Variants in CNTNAP5 observed in about 807,000 individuals in gnomAD.
CNTNAP5 encodes the protein contactin-associated protein-like 5.
A neutral mutation model predicts 150.2 loss-of-function variants in CNTNAP5; 72 were observed. The observed-to-expected ratio is 0.48, with a 90% confidence interval of 0.40 to 0.58. The LOEUF (loss-of-function observed/expected upper bound fraction) is 0.58, where lower values mean the gene tolerates loss of function less well. Ranked by LOEUF, CNTNAP5 falls within the 20% of genes least tolerant of loss-of-function variation. The pLI is 0.00. For missense variants in CNTNAP5, 1,636 were observed against 1,626.2 expected, an observed-to-expected ratio of 1.01 and a Z score of -0.10; for synonymous variants, 672 against 619.8, an observed-to-expected ratio of 1.08 and a Z score of -1.25.
chr2:124,758,688 A>G (rs1248344428), intron 14 of CNTNAP5, among the ~76,000 whole-genome samples: 1 of 152,078 alleles, frequency 6.6e-6, no homozygotes, highest in East Asian at 1.9e-4. Context: ...TGAAGAGAAA[A>G]GAAGGGAAGT....
chr2:124,828,973 C>A (rs1682657928), intron 19 of CNTNAP5, among the ~76,000 whole-genome samples: 1 of 151,834 alleles, frequency 6.6e-6, no homozygotes. Context: ...TGACATCAAA[C>A]CAGAATCACA....
chr2:124,552,794 T>C (rs1256423100), intron 10 of CNTNAP5, among the ~76,000 whole-genome samples: 1 of 152,182 alleles, frequency 6.6e-6, no homozygotes, highest in Non-Finnish European at 1.5e-5. Context: ...ATGGTACTTA[T>C]ATTCCCACCG....
At chr2:124,808,035 T>C (rs1379016125) in intron 19 of CNTNAP5, among the ~76,000 whole-genome samples, 1 of 152,120 alleles carries the variant, frequency 6.6e-6, no homozygotes, top group African/African-American at 2.4e-5. Context: ...TTGGTGTCAG[T>C]TTCTGTAATG....
intron 1 of CNTNAP5, among the ~76,000 whole-genome samples, chr2:124,154,038 C>T (rs1226091669): frequency 6.6e-6 from 1 of 152,052 alleles, no homozygotes; most frequent in South Asian, 2.1e-4. Flanking sequence ...TGGCTTTCAA[C>T]ATATGAATTT....
rs115614504 is a variant in CNTNAP5, at chr2:124,524,094, G to A, written c.1328-209G>A. On this transcript the variant is annotated intron_variant, in intron 8 of 23. Coordinates refer to ENST00000682447, the MANE Select transcript of CNTNAP5 (RefSeq NM_001367498.1). ...AAAACATATCAGAAGTAGTTCAGCC[G>A]TCTTTTTTAAAAAAGAGATTAGAAT... Among the ~76,000 whole-genome samples the A allele has an allele frequency of 7.7e-3, 1,170 of 152,014 alleles. 20 individuals carry two copies. The highest frequency in any genetic ancestry group is 0.026 in the African/African-American group (1,083 of 41,470).
intron 13 of CNTNAP5, among the ~76,000 whole-genome samples, chr2:124,702,258 C>T (rs766833777): frequency 6.8e-6 from 1 of 146,338 alleles, no homozygotes; most frequent in Non-Finnish European, 1.5e-5. Context: ...AATTTGTTGT[C>T]ATCCGATTTA....
chr2:124,451,041 A>G (rs1244038291), intron 6 of CNTNAP5, among the ~76,000 whole-genome samples: 1 of 72,788 alleles, frequency 1.4e-5, no homozygotes, highest in Non-Finnish European at 2.7e-5. Flanking sequence ...AAAAAAAAAA[A>G]AAAAAAAAAA....
chr2:124,780,017 T>A (rs1573611960), intron 17 of CNTNAP5, among the ~76,000 whole-genome samples: 1 of 152,128 alleles, frequency 6.6e-6, no homozygotes, highest in African/African-American at 2.4e-5. Context: ...AAAAATCTAA[T>A]GGATTAATGA....
intron 3 of CNTNAP5, among the ~76,000 whole-genome samples, chr2:124,351,862 C>T (rs1196510286): frequency 6.6e-6 from 1 of 152,070 alleles, no homozygotes; most frequent in African/African-American, 2.4e-5. Flanking sequence ...ATTACTGAAG[C>T]AAAAATGCTG....
At chr2:124,413,969 G>C (rs563589173) in intron 3 of CNTNAP5, among the ~76,000 whole-genome samples, 11 of 152,094 alleles carry the variant, frequency 7.2e-5, no homozygotes, top group Admixed American at 3.9e-4. Flanking sequence ...ATTGAGAGAT[G>C]GAGTGAGGAG....
At chr2:124,340,811 A>G (rs1040855496) in intron 3 of CNTNAP5, among the ~76,000 whole-genome samples, 28 of 87,986 alleles carry the variant, frequency 3.2e-4, no homozygotes, top group Middle Eastern at 7.5e-3. Context: ...GTATACATGT[A>G]TATATATATA....
intron 1 of CNTNAP5, among the ~76,000 whole-genome samples, chr2:124,110,419 AG>A (rs1478630578): frequency 1.3e-5 from 2 of 152,252 alleles, no homozygotes; most frequent in African/African-American, 4.8e-5. Context: ...CAATAAAAAA[AG>A]GCCGGTTTTT....
intron 1 of CNTNAP5, among the ~76,000 whole-genome samples, chr2:124,057,195 G>A (rs987173803): frequency 2.6e-5 from 4 of 151,458 alleles, no homozygotes; most frequent in South Asian, 2.1e-4. Flanking sequence ...CCCTCACTGT[G>A]TAACACCACC....
chr2:124,073,691 A>G (rs915910092), intron 1 of CNTNAP5, among the ~76,000 whole-genome samples: 1 of 152,076 alleles, frequency 6.6e-6, no homozygotes, highest in Non-Finnish European at 1.5e-5. Flanking sequence ...GCAATAACCA[A>G]TGCTGGCAAG....
chr2:124,648,035 G>A (rs1164712029), intron 13 of CNTNAP5, 77 bp downstream of exon 13: 10 of 1,359,266 alleles, frequency 7.4e-6, no homozygotes, highest in Non-Finnish European at 9.1e-6. Flanking sequence ...AGGAAAATTT[G>A]CCAAGAAGGG....
chr2:124,824,619 C>G (rs988636499), intron 19 of CNTNAP5, among the ~76,000 whole-genome samples: 1 of 152,120 alleles, frequency 6.6e-6, no homozygotes, highest in Non-Finnish European at 1.5e-5. Context: ...ATATCTTGTC[C>G]CAGCATGGTG....
intron 13 of CNTNAP5, among the ~76,000 whole-genome samples, chr2:124,657,500 C>G (rs891878284): frequency 6.6e-6 from 1 of 152,178 alleles, no homozygotes; most frequent in Non-Finnish European, 1.5e-5. Flanking sequence ...CCATACTAGA[C>G]AAGTGCAGTA....
At chr2:124,465,718 T>G (rs921678029) in intron 6 of CNTNAP5, among the ~76,000 whole-genome samples, 2 of 152,144 alleles carry the variant, frequency 1.3e-5, no homozygotes, top group Non-Finnish European at 2.9e-5. Context: ...CCCCTTTAAG[T>G]AGGTGAAATA....
chr2:124,485,529 C>T (rs1241226576), intron 7 of CNTNAP5, among the ~76,000 whole-genome samples: 1 of 146,892 alleles, frequency 6.8e-6, no homozygotes, highest in Non-Finnish European at 1.5e-5. Context: ...AGGAGAATAG[C>T]ATGAACCCGG....
Sources: gnomAD v4.1 joint callset for allele counts (sites outside exome capture counted in the v4.1 genomes callset) on GRCh38, gnomAD v4.1.1 for gene constraint, MANE v1.5 for transcripts, NCBI Gene and HGNC (gene_info 2026-07-23, HGNC 2026-07-21) for gene names.